The following GALNT10 variants were observed in gnomAD, a reference collection of about 807,000 sequenced individuals.
GALNT10 encodes polypeptide N-acetylgalactosaminyltransferase 10.
In GALNT10, 41 loss-of-function variants were observed where a neutral mutation model predicts 75.0. That is an observed-to-expected ratio of 0.55 (90% confidence interval 0.43 to 0.71). GALNT10 has a LOEUF of 0.71. Among genes scored for constraint, GALNT10 ranks in the 30% least tolerant of loss-of-function variants. GALNT10 has a pLI of 0.00. For synonymous variants in GALNT10, 302 were observed against 313.0 expected, an observed-to-expected ratio of 0.96 and a Z score of 0.37; for missense variants, 727 against 818.5, an observed-to-expected ratio of 0.89 and a Z score of 1.36.
At chr5:154,227,085 C>T (rs1017189948) in intron 1 of GALNT10, among the ~76,000 whole-genome samples, 2 of 151,826 alleles carry the variant, frequency 1.3e-5, no homozygotes, top group Non-Finnish European at 2.9e-5. Context: ...TTTACTTTTC[C>T]ATTTACCTGT....
intron 1 of GALNT10, among the ~76,000 whole-genome samples, chr5:154,221,915 T>G (rs1422363545): frequency 6.6e-6 from 1 of 152,244 alleles, no homozygotes; most frequent in African/African-American, 2.4e-5. Flanking sequence ...GCTTGTTTTT[T>G]AAAGGATTTT....
chr5:154,376,333 C>A lies in GALNT10; in HGVS notation c.625C>A (p.Leu209Ile). ...GGCCCTTTTCCCCAGTGTGAGGATTCTTCGAACCAAGAAACGGGAAGGGCT... is the reference window on the plus strand; with the variant it reads ...GGCCCTTTTCCCCAGTGTGAGGATTATTCGAACCAAGAAACGGGAAGGGCT... ...YMALFPSVRILRTKKREGLIR... is the reference protein window; with the variant it reads ...YMALFPSVRIIRTKKREGLIR... The change falls in exon 5 of 12, where the codon CTT becomes ATT. Residue 209 changes from leucine (L) to isoleucine (I), a missense_variant. Physicochemically the swap from Leu to Ile is conservative, Grantham distance 5. Coordinates refer to ENST00000297107, the MANE Select transcript of GALNT10 (RefSeq NM_198321.4). This position sits in a 1 kb window ranked among gnomAD's most constrained non-coding sequence, Gnocchi z 4.1. 1 of 1,612,548 alleles carries A rather than the reference C, an allele frequency of 6.2e-7. No homozygotes were observed. Among genetic ancestry groups the A allele is most frequent in the Non-Finnish European group, 8.5e-7 (1 of 1,179,202 alleles).
At chr5:154,382,997 A>G (rs887388465) in intron 6 of GALNT10, among the ~76,000 whole-genome samples, 1 of 152,208 alleles carries the variant, frequency 6.6e-6, no homozygotes, top group Non-Finnish European at 1.5e-5. Flanking sequence ...GTAAAAACAC[A>G]AAGGCTTCCC....
intron 1 of GALNT10, among the ~76,000 whole-genome samples, chr5:154,243,529 TG>T (rs1442107357): frequency 9.2e-5 from 14 of 151,890 alleles, no homozygotes; most frequent in African/African-American, 2.9e-4. Context: ...TACCTGGATT[TG>T]ACTGCTGTTC....
intron 1 of GALNT10, among the ~76,000 whole-genome samples, chr5:154,286,662 A>G (rs2113062835): frequency 6.6e-6 from 1 of 152,330 alleles, no homozygotes; most frequent in South Asian, 2.1e-4. Context: ...TTGGAAACAC[A>G]GGATCAGCCC....
At chr5:154,237,055 G>T (rs1753259081) in intron 1 of GALNT10, among the ~76,000 whole-genome samples, 1 of 152,180 alleles carries the variant, frequency 6.6e-6, no homozygotes, top group Non-Finnish European at 1.5e-5. Context: ...ATAGAGCTAG[G>T]ATTTGGCAGG....
rs1285744973 is a variant in GALNT10, at chr5:154,229,863, A to G, written c.159+38838A>G. On this transcript the variant is annotated intron_variant, in intron 1 of 11. Transcript: ENST00000297107. ...TTTGATAAACAAAGTGAATGAATGA[A>G]TGAATAACAGGGTTTGTCAGGATAC... is the stretch of plus-strand genomic sequence containing the variant. 2.6e-5 allele frequency among the ~76,000 whole-genome samples: 4 copies of G among 152,366 alleles called. No homozygotes were observed. The East Asian group carries it at 5.8e-4, about 22-fold the overall frequency.
intron 4 of GALNT10, among the ~76,000 whole-genome samples, chr5:154,365,567 G>A (rs1042760101): frequency 2.0e-5 from 3 of 152,066 alleles, no homozygotes; most frequent in Non-Finnish European, 4.4e-5. Flanking sequence ...AAGAACCCAC[G>A]TGCACCAAAC....
intron 4 of GALNT10, among the ~76,000 whole-genome samples, chr5:154,333,245 G>T (rs1464136674): frequency 6.6e-6 from 1 of 152,190 alleles, no homozygotes; most frequent in Non-Finnish European, 1.5e-5. Flanking sequence ...GAGGCCTGGA[G>T]CAGTAGGCAG....
chr5:154,221,244 T>C (rs1283204827), intron 1 of GALNT10, among the ~76,000 whole-genome samples: 1 of 152,256 alleles, frequency 6.6e-6, no homozygotes, highest in Non-Finnish European at 1.5e-5. Flanking sequence ...TAGGTAGTTA[T>C]GTCCCTCGGC....
chr5:154,247,174 TG>T (rs1753440351), intron 1 of GALNT10, among the ~76,000 whole-genome samples: 1 of 152,244 alleles, frequency 6.6e-6, no homozygotes, highest in Non-Finnish European at 1.5e-5. Context: ...TCTATATCTC[TG>T]TTTTGGTACC....
At chr5:154,272,726 G>A (rs1366056864) in intron 1 of GALNT10, among the ~76,000 whole-genome samples, 1 of 152,198 alleles carries the variant, frequency 6.6e-6, no homozygotes, top group Non-Finnish European at 1.5e-5. Context: ...TAGGCTTGTG[G>A]TGAAGATAAG....
chr5:154,236,074 C>T (rs1472910728), intron 1 of GALNT10, among the ~76,000 whole-genome samples: 1 of 152,078 alleles, frequency 6.6e-6, no homozygotes, highest in Non-Finnish European at 1.5e-5. Flanking sequence ...CTTGATGTGC[C>T]CCATCTTAGG....
At chr5:154,383,570 C>T (rs532737740) in intron 6 of GALNT10, among the ~76,000 whole-genome samples, 2 of 152,286 alleles carry the variant, frequency 1.3e-5, no homozygotes, top group East Asian at 3.9e-4. Flanking sequence ...GGAGGCAAAG[C>T]CTCGAGCATC....
At chr5:154,266,869 A>C (rs1348362887) in intron 1 of GALNT10, among the ~76,000 whole-genome samples, 1 of 152,178 alleles carries the variant, frequency 6.6e-6, no homozygotes, top group Non-Finnish European at 1.5e-5. Flanking sequence ...CGACAGAGCA[A>C]GACCCTCTAA....
intron 1 of GALNT10, among the ~76,000 whole-genome samples, chr5:154,262,489 T>A (rs1362032216): frequency 1.3e-5 from 2 of 152,100 alleles, no homozygotes; most frequent in African/African-American, 2.4e-5. Flanking sequence ...ACTCCATCAC[T>A]CAAGACAGCC....
intron 7 of GALNT10, among the ~76,000 whole-genome samples, chr5:154,395,392 T>A (rs1755994986): frequency 6.6e-6 from 1 of 152,232 alleles, no homozygotes. Context: ...CCTCTCCTCT[T>A]TATATTATTT....
chr5:154,212,971 A>G (rs1394213650), intron 1 of GALNT10, among the ~76,000 whole-genome samples: 1 of 151,968 alleles, frequency 6.6e-6, no homozygotes, highest in Non-Finnish European at 1.5e-5. Context: ...CCATCTCAAA[A>G]AAAAAAAAAA....
intron 1 of GALNT10, among the ~76,000 whole-genome samples, chr5:154,197,130 A>G (rs1243063356): frequency 6.6e-6 from 1 of 151,710 alleles, no homozygotes; most frequent in Non-Finnish European, 1.5e-5. Flanking sequence ...GTTGCTGAGG[A>G]CGGCTTGGGT....
Sources: gnomAD v4.1 joint callset for allele counts (sites outside exome capture counted in the v4.1 genomes callset) on GRCh38, gnomAD v4.1.1 for gene constraint, Gnocchi (gnomAD v3.1) non-coding constraint, MANE v1.5 for transcripts, NCBI Gene and HGNC (gene_info 2026-07-23, HGNC 2026-07-21) for gene names.